Variants in KCNJ6 observed in about 807,000 individuals in gnomAD.
KCNJ6 encodes the protein G protein-activated inward rectifier potassium channel 2.
Under a neutral mutation model 34.2 loss-of-function variants are expected in KCNJ6, and 9 were observed. The ratio of observed to expected loss-of-function variants is 0.26; its 90% CI spans 0.16 to 0.46. The LOEUF is 0.46. Ranked by LOEUF, KCNJ6 falls within the 20% of genes least tolerant of loss-of-function variation. The pLI is 1.00. For synonymous variants in KCNJ6, 196 were observed against 207.1 expected, an observed-to-expected ratio of 0.95 and a Z score of 0.46; for missense variants, 236 against 531.3, an observed-to-expected ratio of 0.44 and a Z score of 5.46.
At chr21:37,706,714 A>G (rs2054721539) in intron 3 of KCNJ6, among the ~76,000 whole-genome samples, 1 of 152,258 alleles carries the variant, frequency 6.6e-6, no homozygotes, top group Admixed American at 6.5e-5. Flanking sequence ...TTGGCTACAT[A>G]GAAATTCACA....
chr21:37,819,008 TATA>T (rs2055361358), intron 2 of KCNJ6, among the ~76,000 whole-genome samples: 2 of 152,176 alleles, frequency 1.3e-5, no homozygotes, highest in Non-Finnish European at 2.9e-5. Flanking sequence ...TTTCCACAGG[TATA>T]TTACTTCACC....
At chr21:37,915,343 G>A (rs78787578) in intron 1 of KCNJ6, among the ~76,000 whole-genome samples, 5,312 of 152,188 alleles carry the variant, frequency 0.035, 142 homozygotes, top group Non-Finnish European at 0.048. Context: ...CACATCTTCG[G>A]TTTTAAGGAT....
At chr21:37,641,673 A>G (rs1296493101) in intron 3 of KCNJ6, among the ~76,000 whole-genome samples, 2 of 146,994 alleles carry the variant, frequency 1.4e-5, no homozygotes, top group Non-Finnish European at 3.0e-5. Context: ...TTGGGTGTTC[A>G]AGAAGCTGAA....
At chr21:37,722,477 A>G (rs117174746) in intron 2 of KCNJ6, among the ~76,000 whole-genome samples, 1,618 of 152,346 alleles carry the variant, frequency 0.011, 24 homozygotes, top group Non-Finnish European at 0.013. Context: ...CTGAATAGCT[A>G]AAGCAATCGT....
Position 37,616,692 on chromosome 21 carries a change from A to G in KCNJ6, c.*8467T>C, listed in dbSNP as rs369958812. The G allele has an allele frequency of 1.3e-4, 20 of 148,386 alleles. No homozygotes were observed. The highest frequency in any genetic ancestry group is 6.0e-4 in the East Asian group (3 of 5,038). The allele number at this position is 148,386 out of a possible 1,614,324, so 9.2% of individuals were successfully genotyped here. On this transcript the variant is annotated 3_prime_UTR_variant, in exon 4 of 4. Coordinates refer to ENST00000609713, the MANE Select transcript of KCNJ6 (RefSeq NM_002240.5). ...GTGGTAAGGAATAGGACTAACCCCA[A>G]TAATAGGTTGCTGGATTGTGGATGC...
chr21:37,908,617 G>A (rs1601526492), intron 1 of KCNJ6, among the ~76,000 whole-genome samples: 2 of 152,128 alleles, frequency 1.3e-5, no homozygotes, highest in South Asian at 2.1e-4. Flanking sequence ...TCTCCTTTGT[G>A]TCTACTTTAA....
At chr21:37,645,387 A>G (rs2054399564) in intron 3 of KCNJ6, among the ~76,000 whole-genome samples, 1 of 152,116 alleles carries the variant, frequency 6.6e-6, no homozygotes, top group Non-Finnish European at 1.5e-5. Flanking sequence ...AATAAAAACA[A>G]ATAAACAAAA....
At chr21:37,732,842 A>C (rs1041381733) in intron 2 of KCNJ6, among the ~76,000 whole-genome samples, 5 of 152,150 alleles carry the variant, frequency 3.3e-5, no homozygotes, top group African/African-American at 1.2e-4. Flanking sequence ...GTCCCAGGTA[A>C]TTCACCCAGA....
intron 2 of KCNJ6, among the ~76,000 whole-genome samples, chr21:37,834,286 A>G (rs1322477475): frequency 6.6e-6 from 1 of 152,170 alleles, no homozygotes; most frequent in African/African-American, 2.4e-5. Flanking sequence ...TCTGCTATCA[A>G]TGCTTTGCTC....
In KCNJ6 at chr21:37,916,358, C is replaced by A. The variant is rs1450390511; in HGVS notation, c.-502G>T. ...AAAAGTGGTGGACCACGCAGAGAGA[C>A]GTCATGAAATCCGCAGATTCAATGA... On this transcript the variant is annotated 5_prime_UTR_variant, in exon 1 of 4. Transcript: ENST00000609713. The A allele has an allele frequency of 6.6e-6, 1 of 152,132 alleles. No homozygotes were observed. Among genetic ancestry groups the A allele is most frequent in the Non-Finnish European group, 1.5e-5 (1 of 68,028 alleles). 9.4% of individuals were successfully genotyped at this position (152,132 alleles called of 1,614,324 possible).
At chr21:37,748,149 G>A (rs769474332) in intron 2 of KCNJ6, among the ~76,000 whole-genome samples, 2 of 152,178 alleles carry the variant, frequency 1.3e-5, no homozygotes, top group Non-Finnish European at 2.9e-5. Context: ...CCCCAGGTAC[G>A]GGTGGTGTCC....
Position 37,618,125 on chromosome 21 carries a change from T to C in KCNJ6, c.*7034A>G, listed in dbSNP as rs2054279195. On this transcript the variant is annotated 3_prime_UTR_variant, in exon 4 of 4. Coordinates refer to ENST00000609713, the MANE Select transcript of KCNJ6 (RefSeq NM_002240.5). The stretch of plus-strand genomic sequence containing the variant: ...CACAGTCAGCAATGCTGAGAGATGA[T>C]GTCAGGGCGATGCCCGTGATGGCCG... 1 of 152,272 alleles carries C rather than the reference T, an allele frequency of 6.6e-6. No individual in the cohort carries two copies. The highest frequency in any genetic ancestry group is 2.4e-5 in the African/African-American group (1 of 41,454). The allele number at this position is 152,272 out of a possible 1,614,324, so 9.4% of individuals were successfully genotyped here.
At chr21:37,865,049 G>T (rs1040823945) in intron 1 of KCNJ6, among the ~76,000 whole-genome samples, 15 of 152,206 alleles carry the variant, frequency 9.9e-5, no homozygotes, top group African/African-American at 3.4e-4. Flanking sequence ...AAGAGAAGCT[G>T]GTTTCCTTAT....
At position 37,608,398 on chromosome 21, in the gene KCNJ6, T is replaced by A. The variant is rs1350402224; in HGVS notation, c.*16761A>T. On this transcript the variant is annotated 3_prime_UTR_variant, in exon 4 of 4. Transcript: ENST00000609713. ...ATCTTGAATTCCTGGGCTCAAGCAA[T>A]CCTCCCACCTTGGCCTCTCAAAGTG... 1.3e-5 allele frequency: 2 copies of A among 152,210 alleles called. No homozygotes were observed. Among genetic ancestry groups the A allele is most frequent in the Admixed American group, 1.3e-4 (2 of 15,260 alleles). 9.4% of individuals were successfully genotyped at this position (152,210 alleles called of 1,614,324 possible).
rs566129581 is a variant in KCNJ6, at chr21:37,778,796, A to AC, written c.25+61861dup. ...TGTACCCTCCCTCCCCAGCATGTGT[A>AC]CCCCCCACTTATTCTTGGAGCACCC... On this transcript the variant is annotated intron_variant, in intron 2 of 3. Transcript: ENST00000609713. Among the ~76,000 whole-genome samples, 12 of 149,826 alleles carry AC rather than the reference A, an allele frequency of 8.0e-5. No individual in the cohort carries two copies. The East Asian group carries it at 2.4e-3, about 30-fold the overall frequency.
At chr21:37,841,520 GA>G (rs1448535868) in intron 1 of KCNJ6, among the ~76,000 whole-genome samples, 2 of 152,090 alleles carry the variant, frequency 1.3e-5, no homozygotes, top group Non-Finnish European at 2.9e-5. Flanking sequence ...AAAAACTTCA[GA>G]AAAAACCTGA....
At chr21:37,666,538 A>G (rs1299156081) in intron 3 of KCNJ6, among the ~76,000 whole-genome samples, 1 of 152,172 alleles carries the variant, frequency 6.6e-6, no homozygotes, top group African/African-American at 2.4e-5. Context: ...TAAAAATTAA[A>G]TGAGGTACCC....
intron 3 of KCNJ6, among the ~76,000 whole-genome samples, chr21:37,644,687 G>C (rs1353641195): frequency 6.6e-6 from 1 of 152,126 alleles, no homozygotes; most frequent in Non-Finnish European, 1.5e-5. Context: ...CACTTTTATT[G>C]CCTTTTCATA....
intron 1 of KCNJ6, among the ~76,000 whole-genome samples, chr21:37,873,973 T>A (rs1433038721): frequency 6.6e-6 from 1 of 152,088 alleles, no homozygotes; most frequent in East Asian, 1.9e-4. Flanking sequence ...TTATCTCCAC[T>A]CCCTCTTCAA....
Sources: allele counts gnomAD v4.1 joint callset (sites outside exome capture counted in the v4.1 genomes callset), GRCh38; gene constraint gnomAD v4.1.1; transcripts MANE v1.5; gene names NCBI Gene and HGNC (gene_info 2026-07-23, HGNC 2026-07-21).